The following SRGAP3 variants were observed in gnomAD, a reference collection of about 807,000 sequenced individuals.
SRGAP3 encodes the protein SLIT-ROBO Rho GTPase activating protein 3.
SRGAP3 carries 39 observed loss-of-function variants against 121.1 expected under a neutral mutation model. The observed-to-expected ratio is 0.32, with a 90% confidence interval of 0.25 to 0.42. SRGAP3 has a LOEUF of 0.42. Among genes scored for constraint, SRGAP3 ranks in the 10% least tolerant of loss-of-function variants. The pLI is 1.00. For synonymous variants in SRGAP3, 601 were observed against 570.0 expected (o/e 1.05, Z -0.77); for missense variants, 1,213 against 1,470.6 (o/e 0.82, Z 2.86).
intron 4 of SRGAP3, among the ~76,000 whole-genome samples, chr3:9,072,768 G>A (rs566890913): frequency 1.3e-5 from 2 of 152,338 alleles, no homozygotes; most frequent in East Asian, 1.9e-4. Context: ...GGTGACTTTC[G>A]GTGTCATGGG....
Position 8,990,985 on chromosome 3 carries a change from T to G in SRGAP3, c.2559-146A>C, listed in dbSNP as rs1188502767. 1.0e-5 allele frequency: 7 copies of G among 679,394 alleles called. No individual in the cohort carries two copies. In the Admixed American group the frequency reaches 1.6e-4, roughly 16 times the overall value. 42.1% of individuals were successfully genotyped at this position (679,394 alleles called of 1,614,324 possible). A position where few individuals can be genotyped will look rare whatever the true frequency, so the allele number is the denominator to read the frequency against. On this transcript the variant is annotated intron_variant, in intron 20 of 21. Transcript: ENST00000383836. ...GCCTCATTCAGCCAGACCCTACAAT[T>G]CCATAATGAAAGAGCTGGCTCAGCA...
At chr3:8,997,768 C>A (rs1264895234) in intron 18 of SRGAP3, among the ~76,000 whole-genome samples, 1 of 152,150 alleles carries the variant, frequency 6.6e-6, no homozygotes, top group Admixed American at 6.5e-5. Flanking sequence ...CTAGATTTAT[C>A]ATATATCTAT....
rs751579142 is a variant in SRGAP3 at position 8,981,236 on chromosome 3, C to T, written c.*4283G>A. On this transcript the variant is annotated 3_prime_UTR_variant, in exon 22 of 22. Coordinates refer to ENST00000383836, the MANE Select transcript of SRGAP3 (RefSeq NM_014850.4). Reference sequence around the variant, plus strand: ...CAGAGGAGAGGAGACCCCAGAGAACCGGGGAAGTTGACATGAAATGTCAGC... The same window carrying T: ...CAGAGGAGAGGAGACCCCAGAGAACTGGGGAAGTTGACATGAAATGTCAGC... 6.0e-5 allele frequency: 14 copies of T among 232,818 alleles called. No individual in the cohort carries two copies. Among genetic ancestry groups the T allele is most frequent in the African/African-American group, 3.1e-4 (14 of 45,394 alleles). The allele number at this position is 232,818 out of a possible 1,614,324, so 14.4% of individuals were successfully genotyped here. A position where few individuals can be genotyped will look rare whatever the true frequency, so the allele number is the denominator to read the frequency against.
intron 1 of SRGAP3, among the ~76,000 whole-genome samples, chr3:9,360,403 T>C (rs2030733202): frequency 1.3e-5 from 2 of 152,208 alleles, no homozygotes; most frequent in South Asian, 4.1e-4. Flanking sequence ...CAAAAAATTG[T>C]AAGTCAAACC....
intron 1 of SRGAP3, among the ~76,000 whole-genome samples, chr3:9,335,191 T>C (rs1306093443): frequency 3.3e-5 from 5 of 152,190 alleles, no homozygotes; most frequent in Admixed American, 1.3e-4. Flanking sequence ...ATTTGAAAGA[T>C]TGCCTGGGGG....
intron 18 of SRGAP3, among the ~76,000 whole-genome samples, chr3:8,998,122 C>T (rs779893059): frequency 2.0e-5 from 3 of 152,176 alleles, no homozygotes; most frequent in Non-Finnish European, 4.4e-5. Context: ...CTTCTGGACT[C>T]GAGTGATCCT....
At chr3:9,060,580 C>A (rs1298761768) in intron 5 of SRGAP3, among the ~76,000 whole-genome samples, 1 of 151,954 alleles carries the variant, frequency 6.6e-6, no homozygotes, top group Non-Finnish European at 1.5e-5. Context: ...TGCATGCCAT[C>A]ACACCTGGCT....
At chr3:9,097,644 G>A (rs1252606178) in intron 3 of SRGAP3, among the ~76,000 whole-genome samples, 2 of 152,196 alleles carry the variant, frequency 1.3e-5, no homozygotes, top group Non-Finnish European at 2.9e-5. Context: ...GCACCACTCA[G>A]ATCCCCTTCG....
intron 1 of SRGAP3, among the ~76,000 whole-genome samples, chr3:9,135,899 T>C (rs1575125851): frequency 6.6e-6 from 1 of 152,316 alleles, no homozygotes; most frequent in South Asian, 2.1e-4. Context: ...TAGGGAATAA[T>C]ACCTTCCCCC....
At chr3:9,042,102 C>CA (rs370049198) in intron 10 of SRGAP3, among the ~76,000 whole-genome samples, 5,048 of 97,918 alleles carry the variant, frequency 0.052, 220 homozygotes, top group African/African-American at 0.13. Context: ...GACGCCATCT[C>CA]AAAAAAAAAA....
intron 1 of SRGAP3, among the ~76,000 whole-genome samples, chr3:9,128,641 A>G (rs1949330222): frequency 6.6e-6 from 1 of 152,262 alleles, no homozygotes; most frequent in African/African-American, 2.4e-5. Flanking sequence ...CAAAAAATAT[A>G]TACAAGAATA....
chr3:9,255,887 T>C (rs565519597), intron 3 of SRGAP3, among the ~76,000 whole-genome samples: 302 of 152,236 alleles, frequency 2.0e-3, no homozygotes, highest in African/African-American at 7.2e-3. Flanking sequence ...TAGGTTATAT[T>C]TTTCCCATTT....
At chr3:9,013,243 A>G in intron 17 of SRGAP3, 65 bp downstream of exon 17, 1 of 1,505,658 alleles carries the variant, frequency 6.6e-7, no homozygotes, top group Non-Finnish European at 9.2e-7. Flanking sequence ...AGGGTTTCTT[A>G]TTGTTCCTAT....
At chr3:9,321,808 C>T (rs577079051) in intron 3 of SRGAP3, among the ~76,000 whole-genome samples, 4 of 151,550 alleles carry the variant, frequency 2.6e-5, no homozygotes, top group Non-Finnish European at 4.4e-5. Flanking sequence ...CCACTGGGGC[C>T]TATCAGAGGG....
intron 3 of SRGAP3, among the ~76,000 whole-genome samples, chr3:9,084,543 C>A (rs2664087): frequency 3.9e-5 from 6 of 151,986 alleles, no homozygotes; most frequent in African/African-American, 7.3e-5. Context: ...GACTGAAGAC[C>A]CACAGCCTGC....
intron 1 of SRGAP3, among the ~76,000 whole-genome samples, chr3:9,182,080 G>A (rs1323351137): frequency 3.5e-5 from 5 of 143,806 alleles, no homozygotes; most frequent in Non-Finnish European, 6.0e-5. Context: ...GGAGGCTGAG[G>A]CACAAGAATC....
intron 18 of SRGAP3, among the ~76,000 whole-genome samples, chr3:9,005,666 G>A (rs55797437): frequency 0.21 from 32,046 of 152,100 alleles, 3,541 homozygotes; most frequent in Non-Finnish European, 0.25. Context: ...AAGGCCACAT[G>A]TTATATAATT....
Position 9,348,325 on chromosome 3 carries a change from T to C in SRGAP3, n.214+14515A>G, listed in dbSNP as rs116868782. 1.0e-4 allele frequency: 39 copies of C among 385,228 alleles called. No individual in the cohort carries two copies. The East Asian group carries it at 1.7e-3, about 16-fold the overall frequency. The allele number at this position is 385,228 out of a possible 1,614,324, so 23.9% of individuals were successfully genotyped here. Reference sequence around the variant, plus strand: ...GAGAAAACAAGAAAGAGACAAAGAGTGAAAAGAAGAGTGGAAAGAAAAGGG... The same window carrying C: ...GAGAAAACAAGAAAGAGACAAAGAGCGAAAAGAAGAGTGGAAAGAAAAGGG... On this transcript the variant is annotated intron_variant and non_coding_transcript_variant, in intron 1 of 3. Transcript: ENST00000490889.
chr3:9,133,638 C>A (rs1949541521), intron 1 of SRGAP3, among the ~76,000 whole-genome samples: 1 of 152,128 alleles, frequency 6.6e-6, no homozygotes, highest in African/African-American at 2.4e-5. Context: ...CTTTTACTAT[C>A]ATCAACAATG....
Sources: allele counts gnomAD v4.1 joint callset (sites outside exome capture counted in the v4.1 genomes callset), GRCh38; gene constraint gnomAD v4.1.1; transcripts MANE v1.5; gene names NCBI Gene and HGNC (gene_info 2026-07-23, HGNC 2026-07-21).